Variants in STXBP5L observed in about 807,000 individuals in gnomAD.
STXBP5L encodes syntaxin-binding protein 5-like.
Under a neutral mutation model 144.5 loss-of-function variants are expected in STXBP5L, and 65 were observed. The ratio of observed to expected loss-of-function variants is 0.45; its 90% CI spans 0.37 to 0.55. STXBP5L has a LOEUF of 0.55. STXBP5L is among the 20% of genes least tolerant of loss of function. The pLI is 0.00. For synonymous variants in STXBP5L, 505 were observed against 469.6 expected, an observed-to-expected ratio of 1.08 and a Z score of -0.97; for missense variants, 1,298 against 1,405.5, an observed-to-expected ratio of 0.92 and a Z score of 1.22.
chr3:121,309,221 T>A (rs2043443889), intron 19 of STXBP5L, among the ~76,000 whole-genome samples: 1 of 152,054 alleles, frequency 6.6e-6, no homozygotes, highest in African/African-American at 2.4e-5. Context: ...AGACTTTTTT[T>A]TAAAAAATCA....
intron 22 of STXBP5L, among the ~76,000 whole-genome samples, chr3:121,394,107 G>C (rs948069527): frequency 6.6e-6 from 1 of 151,980 alleles, no homozygotes; most frequent in Non-Finnish European, 1.5e-5. Flanking sequence ...TCTTTCACTA[G>C]TGTTTTTTAA....
chr3:121,409,722 A>C (rs1166444079), intron 23 of STXBP5L, among the ~76,000 whole-genome samples: 1 of 152,018 alleles, frequency 6.6e-6, no homozygotes, highest in Non-Finnish European at 1.5e-5. Context: ...GTTTTGGAAC[A>C]CAGCCACACC....
chr3:121,291,747 A>C (rs1223276865), intron 19 of STXBP5L, among the ~76,000 whole-genome samples: 1 of 152,182 alleles, frequency 6.6e-6, no homozygotes, highest in Non-Finnish European at 1.5e-5. Context: ...GCCCAGAAAT[A>C]AAGCCAAATA....
In STXBP5L at chr3:120,932,810, A is replaced by G. The variant is rs567519157; in HGVS notation, c.190-22130A>G. ...TTGGAACCAACCCAAATGTCCAACA[A>G]TGATAGGCTGGATTAAGAAAATGTG... On this transcript the variant is annotated intron_variant, in intron 2 of 26. Coordinates refer to ENST00000471454, the MANE Select transcript of STXBP5L (RefSeq NM_001308330.2). Among the ~76,000 whole-genome samples, 20 of 152,248 alleles carry G rather than the reference A, an allele frequency of 1.3e-4. No individual in the cohort carries two copies. In the South Asian group the frequency reaches 2.7e-3, roughly 21 times the overall value.
intron 3 of STXBP5L, among the ~76,000 whole-genome samples, chr3:121,000,511 G>C (rs1325778402): frequency 6.6e-6 from 1 of 152,050 alleles, no homozygotes; most frequent in Non-Finnish European, 1.5e-5. Flanking sequence ...CTCTTGAATT[G>C]TTTTACTGGA....
chr3:121,253,810 C>CTT (rs34678687), intron 15 of STXBP5L, among the ~76,000 whole-genome samples: 81 of 95,058 alleles, frequency 8.5e-4, no homozygotes, highest in East Asian at 1.8e-3. Flanking sequence ...TTTTTTTTTT[C>CTT]TTTTTTTTTT....
chr3:120,932,874 A>G (rs1180290597), intron 2 of STXBP5L, among the ~76,000 whole-genome samples: 1 of 152,164 alleles, frequency 6.6e-6, no homozygotes, highest in South Asian at 2.1e-4. Context: ...GCCATAAAAA[A>G]TGATGAGTTC....
chr3:121,239,764 C>G (rs1197049754), intron 13 of STXBP5L, among the ~76,000 whole-genome samples: 1 of 149,826 alleles, frequency 6.7e-6, no homozygotes, highest in Non-Finnish European at 1.5e-5. Flanking sequence ...TGCTAGATGA[C>G]GAGTTAGTGG....
intron 24 of STXBP5L, among the ~76,000 whole-genome samples, chr3:121,414,095 T>C (rs2047181203): frequency 6.6e-6 from 1 of 152,106 alleles, no homozygotes; most frequent in Admixed American, 6.6e-5. Context: ...AGTATGTTTT[T>C]TTAAATAAAT....
At chr3:121,031,225 G>C (rs1417237347) in intron 3 of STXBP5L, among the ~76,000 whole-genome samples, 2 of 152,056 alleles carry the variant, frequency 1.3e-5, no homozygotes, top group African/African-American at 4.8e-5. Context: ...ATTGTAGAAA[G>C]ATGACTGAGG....
intron 9 of STXBP5L, among the ~76,000 whole-genome samples, chr3:121,177,420 C>G (rs968909756): frequency 1.3e-5 from 2 of 151,992 alleles, no homozygotes; most frequent in African/African-American, 4.8e-5. Flanking sequence ...ACAACAACTA[C>G]AAATAACTGA....
At chr3:121,036,656 C>G (rs1489002637) in intron 3 of STXBP5L, among the ~76,000 whole-genome samples, 1 of 151,874 alleles carries the variant, frequency 6.6e-6, no homozygotes, top group Non-Finnish European at 1.5e-5. Context: ...TTCACTTTTC[C>G]TAGTTTACTG....
At chr3:121,344,702 A>T (rs561928612) in intron 20 of STXBP5L, among the ~76,000 whole-genome samples, 5 of 152,126 alleles carry the variant, frequency 3.3e-5, no homozygotes, top group African/African-American at 1.2e-4. Context: ...AGAGTTAATA[A>T]TTCTATAACT....
chr3:121,321,259 GT>G (rs1291609159), intron 20 of STXBP5L, among the ~76,000 whole-genome samples: 1 of 151,936 alleles, frequency 6.6e-6, no homozygotes, highest in African/African-American at 2.4e-5. Flanking sequence ...CCTTATAACA[GT>G]TTTGTAATCA....
intron 20 of STXBP5L, among the ~76,000 whole-genome samples, chr3:121,376,761 A>G (rs1390344405): frequency 6.6e-6 from 1 of 152,066 alleles, no homozygotes; most frequent in Non-Finnish European, 1.5e-5. Context: ...TTTTTTTCTA[A>G]TTCTGTGAAG....
At chr3:120,961,378 C>G (rs1388964936) in intron 3 of STXBP5L, among the ~76,000 whole-genome samples, 1 of 151,918 alleles carries the variant, frequency 6.6e-6, no homozygotes, top group Non-Finnish European at 1.5e-5. Flanking sequence ...CACCCATCAA[C>G]TCATCATTTA....
chr3:120,934,268 A>T (rs1710135865), intron 2 of STXBP5L, among the ~76,000 whole-genome samples: 1 of 151,786 alleles, frequency 6.6e-6, no homozygotes, highest in African/African-American at 2.4e-5. Context: ...TGCTATTTAG[A>T]AGTGTGTTGT....
At chr3:121,105,395 A>AAAATAAATAAATAAATAAAT (rs573583424) in intron 5 of STXBP5L, among the ~76,000 whole-genome samples, 4,867 of 149,744 alleles carry the variant, frequency 0.033, 252 homozygotes, top group Admixed American at 0.14. Context: ...ACTCTGTCTC[A>AAAATAAATAAATAAATAAAT]AAATAAATAA....
chr3:121,059,213 C>T (rs1948653558), intron 5 of STXBP5L, among the ~76,000 whole-genome samples: 1 of 152,184 alleles, frequency 6.6e-6, no homozygotes, highest in South Asian at 2.1e-4. Flanking sequence ...TTCCCAACAC[C>T]ATTTATTAAA....
Sources: gnomAD v4.1 joint callset for allele counts (sites outside exome capture counted in the v4.1 genomes callset) on GRCh38, gnomAD v4.1.1 for gene constraint, MANE v1.5 for transcripts, NCBI Gene and HGNC (gene_info 2026-07-23, HGNC 2026-07-21) for gene names.